The following ARHGAP15 variants were observed in gnomAD, a reference collection of about 807,000 sequenced individuals.
ARHGAP15 encodes rho GTPase-activating protein 15.
In ARHGAP15, 51 loss-of-function variants were observed where a neutral mutation model predicts 63.7. The observed-to-expected ratio is 0.80, with a 90% CI of 0.64 to 1.01. The LOEUF (loss-of-function observed/expected upper bound fraction) is 1.01, where lower values mean the gene tolerates loss of function less well. Ranked by LOEUF, ARHGAP15 falls within the 50% of genes least tolerant of loss-of-function variation. The pLI, the probability that ARHGAP15 is intolerant of heterozygous loss-of-function variation, is 0.00. For missense variants in ARHGAP15, 560 were observed against 564.6 expected (o/e 0.99, Z 0.08); for synonymous variants, 191 against 193.8 (o/e 0.99, Z 0.12).
At chr2:143,723,365 G>A (rs1270092375) in intron 13 of ARHGAP15, among the ~76,000 whole-genome samples, 1 of 152,212 alleles carries the variant, frequency 6.6e-6, no homozygotes, top group African/African-American at 2.4e-5. Flanking sequence ...GCTGAAGGAG[G>A]ATGCTGGAGC....
chr2:143,268,952 A>G (rs1681135812), intron 6 of ARHGAP15, among the ~76,000 whole-genome samples: 1 of 152,154 alleles, frequency 6.6e-6, no homozygotes. Context: ...AATATATTCC[A>G]AAGTGTTATA....
chr2:143,232,248 C>G (rs1201104560), intron 5 of ARHGAP15, among the ~76,000 whole-genome samples: 1 of 152,048 alleles, frequency 6.6e-6, no homozygotes, highest in Non-Finnish European at 1.5e-5. Flanking sequence ...ACAGAAAGGA[C>G]ATTATAAAAT....
At chr2:143,413,952 T>TGCGC (rs1372616346) in intron 6 of ARHGAP15, among the ~76,000 whole-genome samples, 4 of 96,472 alleles carry the variant, frequency 4.1e-5, no homozygotes, top group African/African-American at 1.7e-4. Flanking sequence ...TGTGTGTGTG[T>TGCGC]GTGTGTGTGT....
At chr2:143,508,959 G>C (rs780531575) in intron 9 of ARHGAP15, among the ~76,000 whole-genome samples, 2 of 152,164 alleles carry the variant, frequency 1.3e-5, no homozygotes, top group Non-Finnish European at 2.9e-5. Flanking sequence ...GAAACAAAGA[G>C]AAAAAGTAGA....
At chr2:143,439,554 G>T (rs1382462147) in intron 8 of ARHGAP15, among the ~76,000 whole-genome samples, 5 of 143,022 alleles carry the variant, frequency 3.5e-5, no homozygotes, top group Admixed American at 7.1e-5. Context: ...TAGAAAATAT[G>T]AAACATTTAC....
chr2:143,584,519 G>A (rs112789588), intron 11 of ARHGAP15, among the ~76,000 whole-genome samples: 26,375 of 151,914 alleles, frequency 0.17, 2,862 homozygotes, highest in Middle Eastern at 0.27. Flanking sequence ...CCAGCTACTA[G>A]GGAGGCTGAG....
chr2:143,173,077 AT>A (rs1690862811), intron 2 of ARHGAP15, among the ~76,000 whole-genome samples: 1 of 152,140 alleles, frequency 6.6e-6, no homozygotes, highest in South Asian at 2.1e-4. Context: ...AATAAAAAAT[AT>A]ATATACATAC....
chr2:143,508,661 G>C (rs931215509), intron 9 of ARHGAP15, among the ~76,000 whole-genome samples: 1 of 152,166 alleles, frequency 6.6e-6, no homozygotes, highest in Non-Finnish European at 1.5e-5. Flanking sequence ...CAGAGGGTGG[G>C]AGAGATAGGT....
intron 6 of ARHGAP15, among the ~76,000 whole-genome samples, chr2:143,331,197 C>A (rs1173397690): frequency 6.6e-6 from 1 of 152,066 alleles, no homozygotes; most frequent in Non-Finnish European, 1.5e-5. Flanking sequence ...CCCCTGGGAA[C>A]TACATTTTAG....
At chr2:143,631,075 G>A (rs1338820498) in intron 12 of ARHGAP15, among the ~76,000 whole-genome samples, 1 of 151,850 alleles carries the variant, frequency 6.6e-6, no homozygotes, top group Non-Finnish European at 1.5e-5. Flanking sequence ...TATATAAATG[G>A]AATCATACAG....
intron 3 of ARHGAP15, among the ~76,000 whole-genome samples, chr2:143,204,512 A>G (rs868843415): frequency 2.0e-5 from 3 of 152,092 alleles, no homozygotes; most frequent in Non-Finnish European, 4.4e-5. Flanking sequence ...CATTAATCCT[A>G]TTCATGAGAG....
intron 6 of ARHGAP15, among the ~76,000 whole-genome samples, chr2:143,407,423 C>CTT (rs1196904145): frequency 6.6e-6 from 1 of 151,764 alleles, no homozygotes; most frequent in African/African-American, 2.4e-5. Flanking sequence ...AATGTAATGA[C>CTT]TTTTTGGGAT....
chr2:143,263,651 A>G (rs957791279), intron 6 of ARHGAP15, among the ~76,000 whole-genome samples: 2 of 152,202 alleles, frequency 1.3e-5, no homozygotes, highest in Non-Finnish European at 2.9e-5. Flanking sequence ...GTAGACAAGG[A>G]TCTGCATGCT....
chr2:143,259,915 A>G (rs931297214), intron 6 of ARHGAP15, among the ~76,000 whole-genome samples: 8 of 152,198 alleles, frequency 5.3e-5, no homozygotes, highest in Non-Finnish European at 1.0e-4. Flanking sequence ...AAGAAGGTTT[A>G]TTGAATCTAA....
At chr2:143,670,226 A>G (rs1227095430) in intron 12 of ARHGAP15, among the ~76,000 whole-genome samples, 1 of 152,004 alleles carries the variant, frequency 6.6e-6, no homozygotes, top group Non-Finnish European at 1.5e-5. Flanking sequence ...ACCTTTATTT[A>G]TATCTTCTAC....
In ARHGAP15 at chr2:143,519,249, CTTTG is replaced by C. The variant is rs764607006; in HGVS notation, c.827-13_827-10del. On this transcript the variant is annotated splice_polypyrimidine_tract_variant and intron_variant, in intron 9 of 13. Coordinates refer to ENST00000295095, the MANE Select transcript of ARHGAP15 (RefSeq NM_018460.4). ...AAGCTTGGATTTTAATGAAGCTCAT[CTTTG>C]TTTCTTTTGCAGATCAAATTTTTGG... 2 of 1,584,026 alleles carry C rather than the reference CTTTG, an allele frequency of 1.3e-6. No individual in the cohort carries two copies. The highest frequency in any genetic ancestry group is 2.7e-5 in the African/African-American group (2 of 74,250).
intron 10 of ARHGAP15, among the ~76,000 whole-genome samples, chr2:143,524,627 T>C (rs1025233048): frequency 6.6e-6 from 1 of 152,182 alleles, no homozygotes; most frequent in African/African-American, 2.4e-5. Context: ...ATTCCTCTAC[T>C]GTTAGGAGAA....
intron 13 of ARHGAP15, among the ~76,000 whole-genome samples, chr2:143,756,684 G>C (rs1574932681): frequency 6.6e-6 from 1 of 151,902 alleles, no homozygotes; most frequent in Non-Finnish European, 1.5e-5. Context: ...GTGCTAATAG[G>C]GCATTTCCAT....
chr2:143,484,127 G>C (rs1034252599), intron 8 of ARHGAP15, among the ~76,000 whole-genome samples: 2 of 152,066 alleles, frequency 1.3e-5, no homozygotes, highest in African/African-American at 4.8e-5. Context: ...ACTTTGGGAG[G>C]CTGGGGGTGG....
Sources: allele counts gnomAD v4.1 joint callset (sites outside exome capture counted in the v4.1 genomes callset), GRCh38; gene constraint gnomAD v4.1.1; transcripts MANE v1.5; gene names NCBI Gene and HGNC (gene_info 2026-07-23, HGNC 2026-07-21).